The following NBPF11 variants were observed in gnomAD, a reference collection of about 807,000 sequenced individuals.
NBPF11 encodes the protein NBPF family member NBPF11.
A neutral mutation model predicts 93.9 loss-of-function variants in NBPF11; 72 were observed. The observed-to-expected ratio is 0.77, with a 90% CI of 0.63 to 0.93. The LOEUF is 0.93. Ranked by LOEUF, NBPF11 falls within the 40% of genes least tolerant of loss-of-function variation. The pLI, the probability that NBPF11 is intolerant of heterozygous loss-of-function variation, is 0.00. For missense variants in NBPF11, 705 were observed against 802.2 expected, an observed-to-expected ratio of 0.88 and a Z score of 1.46; for synonymous variants, 224 against 304.9, an observed-to-expected ratio of 0.73 and a Z score of 2.76.
At chr1:148,126,710 G>T (rs1553273150) in intron 5 of NBPF11, 119 bp downstream of exon 5, 1 of 650,072 alleles carries the variant, frequency 1.5e-6, no homozygotes, top group Non-Finnish European at 2.7e-6. Context: ...TTAACAAAAT[G>T]TTAAAATACC....
At chr1:148,130,953 G>C (rs1343996913) in intron 4 of NBPF11, among the ~76,000 whole-genome samples, 1 of 151,780 alleles carries the variant, frequency 6.6e-6, no homozygotes, top group Non-Finnish European at 1.5e-5. Flanking sequence ...GTAATGTCTT[G>C]TAAATACTGA....
intron 7 of NBPF11, among the ~76,000 whole-genome samples, chr1:148,123,607 T>G (rs1251708232): frequency 1.7e-4 from 25 of 143,024 alleles, no homozygotes; most frequent in African/African-American, 5.0e-4. Flanking sequence ...TAAAACTAGA[T>G]AGATGCTGCC....
Position 148,106,268 on chromosome 1 carries a change from C to T in NBPF11, c.2252-36G>A, listed in dbSNP as rs1234952271. On this transcript the variant is annotated intron_variant, in intron 20 of 23. Coordinates refer to ENST00000682118, the MANE Select transcript of NBPF11 (RefSeq NM_001385469.3). ...TTCAGACAGGGACAGACAAAATAAG[C>T]CAATTCACCTACACCCATAACAGTC... 2,708 of 623,828 alleles carry T rather than the reference C, an allele frequency of 4.3e-3. 88 individuals are homozygous for T. The African/African-American group carries it at 0.047, about 11-fold the overall frequency. 38.6% of individuals were successfully genotyped at this position (623,828 alleles called of 1,614,324 possible). A position where few individuals can be genotyped will look rare whatever the true frequency, so the allele number is the denominator to read the frequency against.
At chr1:148,108,270 T>C (rs1288481882) in intron 18 of NBPF11, among the ~76,000 whole-genome samples, 1 of 151,310 alleles carries the variant, frequency 6.6e-6, no homozygotes, top group Non-Finnish European at 1.5e-5. Flanking sequence ...GCCACAGGCA[T>C]GGCCTGAGAC....
intron 14 of NBPF11, among the ~76,000 whole-genome samples, chr1:148,115,164 CAAAAAAAAAAAAAAAAAAAAAAA>C (rs57869119): frequency 8.2e-5 from 1 of 12,150 alleles, no homozygotes; most frequent in Admixed American, 1.2e-3. Flanking sequence ...GACTCCATCA[CAAAAAAAAAAAAAAAAAAAAAAA>C]AAAAAAAAAA....
intron 10 of NBPF11, among the ~76,000 whole-genome samples, chr1:148,119,668 A>T (rs1411809940): frequency 2.0e-5 from 3 of 150,862 alleles, no homozygotes; most frequent in African/African-American, 7.4e-5. Flanking sequence ...TATCATTATT[A>T]TTTTTTTTTA....
At chr1:148,123,089 TC>T (rs1211852818) in intron 7 of NBPF11, among the ~76,000 whole-genome samples, 1 of 151,176 alleles carries the variant, frequency 6.6e-6, no homozygotes, top group Non-Finnish European at 1.5e-5. Flanking sequence ...GGCAGCTGTC[TC>T]CCCCATCCTG....
At chr1:148,144,051 T>C (rs2746944) in intron 1 of NBPF11, among the ~76,000 whole-genome samples, 27,349 of 149,958 alleles carry the variant, frequency 0.18, 2,892 homozygotes, top group East Asian at 0.28. Flanking sequence ...AAAATAGAGT[T>C]CTGACTAAAT....
intron 4 of NBPF11, among the ~76,000 whole-genome samples, chr1:148,129,105 A>ATATACACGTGTATATGTATTATT (rs1669765173): frequency 1.5e-5 from 2 of 137,676 alleles, no homozygotes; most frequent in East Asian, 2.2e-4. Context: ...TATATATATA[A>ATATACACGTGTATATGTATTATT]TATATATACA....
chr1:148,119,905 C>T (rs1221043689), intron 10 of NBPF11, among the ~76,000 whole-genome samples: 1 of 152,150 alleles, frequency 6.6e-6, no homozygotes, highest in Non-Finnish European at 1.5e-5. Flanking sequence ...CTACCCGCCT[C>T]AGCCTCCCAA....
chr1:148,103,563 C>A lies in NBPF11; in HGVS notation c.*333G>T. 1 of 1,593,438 alleles carries A rather than the reference C, an allele frequency of 6.3e-7. No homozygotes were observed. Among genetic ancestry groups the A allele is most frequent in the Non-Finnish European group, 8.6e-7 (1 of 1,167,274 alleles). On this transcript the variant is annotated 3_prime_UTR_variant, in exon 24 of 24. Transcript: ENST00000682118. ...AGGAATAGAGCCATGCCCACTGACC[C>A]ATCCTATGTCTGGGCTTCCAAATGG...
intron 2 of NBPF11, among the ~76,000 whole-genome samples, chr1:148,140,883 G>C (rs1672056993): frequency 6.6e-6 from 1 of 151,690 alleles, no homozygotes; most frequent in African/African-American, 2.4e-5. Flanking sequence ...TATCATAATT[G>C]TCAAAACTTG....
chr1:148,132,234 C>T (rs1433051604), intron 4 of NBPF11, among the ~76,000 whole-genome samples: 2 of 117,092 alleles, frequency 1.7e-5, no homozygotes, highest in South Asian at 2.6e-4. Context: ...CACACACACA[C>T]ATGTTTGTGT....
intron 1 of NBPF11, chr1:148,146,395 A>C: frequency 6.3e-7 from 1 of 1,595,986 alleles, no homozygotes; most frequent in Non-Finnish European, 8.5e-7. Context: ...GGCGCCCGCC[A>C]TGAACGGGCT....
rs1667573222 is a variant in NBPF11, at chr1:148,120,491, T to C, written c.988+10A>G. 3 of 905,750 alleles carry C rather than the reference T, an allele frequency of 3.3e-6. No homozygotes were observed. Among genetic ancestry groups the C allele is most frequent in the South Asian group, 2.6e-5 (2 of 77,090 alleles). The allele number at this position is 905,750 out of a possible 1,614,324, so 56.1% of individuals were successfully genotyped here. On this transcript the variant is annotated intron_variant, in intron 10 of 23. Transcript: ENST00000682118. The stretch of plus-strand genomic sequence containing the variant: ...CATCACTTTCGTGATGGTGAGCATA[T>C]AGATCTTACTGTATTTGTTCTGCTG...
At chr1:148,124,121 T>A in intron 6 of NBPF11, 54 bp from the exon 7 acceptor site, 4 of 1,603,262 alleles carry the variant, frequency 2.5e-6, no homozygotes, top group Non-Finnish European at 3.4e-6. Context: ...AGTGATCCGT[T>A]CAAATATTGC....
At chr1:148,146,359 G>C (rs1391876260) in intron 1 of NBPF11, 1 of 1,495,654 alleles carries the variant, frequency 6.7e-7, no homozygotes, top group Non-Finnish European at 8.8e-7. Flanking sequence ...TGTTGGCGGG[G>C]GCCCCGGTGG....
Position 148,103,821 on chromosome 1 carries a change from G to A in NBPF11, c.*75C>T. On this transcript the variant is annotated 3_prime_UTR_variant, in exon 24 of 24. Transcript: ENST00000682118. ...CTGTAGTGCTGGAATGAGTCAGGTA[G>A]TTCAAAGTACATTGATGGAGTCGAA... 6.2e-6 allele frequency: 10 copies of A among 1,611,736 alleles called. No homozygotes were observed. The highest frequency in any genetic ancestry group is 7.6e-6 in the Non-Finnish European group (9 of 1,179,434).
chr1:148,111,737 T>C (rs1665327803), intron 15 of NBPF11, among the ~76,000 whole-genome samples: 2 of 151,610 alleles, frequency 1.3e-5, no homozygotes, highest in South Asian at 4.1e-4. Flanking sequence ...AAGCCTCCAA[T>C]AAATATGGGA....
Sources: gnomAD v4.1 joint callset for allele counts (sites outside exome capture counted in the v4.1 genomes callset) on GRCh38, gnomAD v4.1.1 for gene constraint, MANE v1.5 for transcripts, NCBI Gene and HGNC (gene_info 2026-07-23, HGNC 2026-07-21) for gene names.